Variants in PRKCZ observed in about 807,000 individuals in gnomAD.
PRKCZ encodes protein kinase C zeta type.
PRKCZ carries 33 observed loss-of-function variants against 79.5 expected under a neutral mutation model. The ratio of observed to expected loss-of-function variants is 0.41; its 90% confidence interval spans 0.31 to 0.55. PRKCZ has a LOEUF of 0.55. PRKCZ is among the 20% of genes least tolerant of loss of function. The pLI, the probability that PRKCZ is intolerant of heterozygous loss-of-function variation, is 0.19. For synonymous variants in PRKCZ, 342 were observed against 320.9 expected (o/e 1.07, Z -0.70); for missense variants, 578 against 813.5 (o/e 0.71, Z 3.52).
At chr1:2,096,259 G>C (rs1409895481) in intron 4 of PRKCZ, among the ~76,000 whole-genome samples, 1 of 152,002 alleles carries the variant, frequency 6.6e-6, no homozygotes, top group Non-Finnish European at 1.5e-5. Flanking sequence ...TGTGTGCCTG[G>C]GAGGCGCACG....
chr1:2,071,368 C>T lies in PRKCZ; in HGVS notation c.334+11777C>T, dbSNP rs113197144. 5.4e-3 allele frequency: 2,466 copies of T among 459,112 alleles called. 63 individuals carry two copies. The East Asian group carries it at 0.068, about 13-fold the overall frequency. The allele number at this position is 459,112 out of a possible 1,614,324, so 28.4% of individuals were successfully genotyped here. A position where few individuals can be genotyped will look rare whatever the true frequency, so the allele number is the denominator to read the frequency against. Reference sequence around the variant, plus strand: ...GGCCCCGGCGGCGTCTGAGAGGAGGCGGCCAAACCTAGTGGGGCTGCGCGA... The same window carrying T: ...GGCCCCGGCGGCGTCTGAGAGGAGGTGGCCAAACCTAGTGGGGCTGCGCGA... On this transcript the variant is annotated intron_variant, in intron 4 of 17. Transcript: ENST00000378567.
intron 3 of PRKCZ, 142 bp downstream of exon 3, chr1:2,056,715 G>T: frequency 3.0e-6 from 2 of 661,228 alleles, no homozygotes; most frequent in South Asian, 3.2e-5. Context: ...TGCCATTTGG[G>T]TTTTTTTCTT....
chr1:2,148,832 C>A, intron 7 of PRKCZ, 40 bp from the exon 8 acceptor site: 1 of 1,603,620 alleles, frequency 6.2e-7, no homozygotes, highest in African/African-American at 1.3e-5. Context: ...GCGTTCCTGA[C>A]CACACCGTAA....
At chr1:2,070,972 C>T (rs979179049) in intron 4 of PRKCZ, among the ~76,000 whole-genome samples, 1 of 150,642 alleles carries the variant, frequency 6.6e-6, no homozygotes, top group Non-Finnish European at 1.5e-5. Context: ...GGTCCTTGGC[C>T]GGGACACCAT....
chr1:2,155,858 A>G (rs1412744396), intron 9 of PRKCZ, 137 bp from the exon 10 acceptor site: 1 of 714,422 alleles, frequency 1.4e-6, no homozygotes, highest in Non-Finnish European at 2.5e-6. Context: ...GCAGTTCCTA[A>G]TGGGTGTTTT....
intron 11 of PRKCZ, among the ~76,000 whole-genome samples, chr1:2,170,455 C>A (rs552632396): frequency 2.0e-5 from 3 of 151,652 alleles, no homozygotes; most frequent in Non-Finnish European, 2.9e-5. Context: ...AAATCTAGAA[C>A]AGTACACTTC....
intron 1 of PRKCZ, among the ~76,000 whole-genome samples, chr1:2,052,181 C>T (rs549210315): frequency 6.4e-4 from 98 of 152,306 alleles, no homozygotes; most frequent in South Asian, 2.5e-3. Flanking sequence ...ACCCGAGGGG[C>T]TGCAGGGGCC....
chr1:2,054,310 G>GT (rs372533528), intron 1 of PRKCZ, among the ~76,000 whole-genome samples: 3 of 152,270 alleles, frequency 2.0e-5, no homozygotes, highest in African/African-American at 7.2e-5. Flanking sequence ...TGAAAATTCA[G>GT]TGTGTTCACA....
chr1:2,107,828 A>G (rs1232702714), intron 4 of PRKCZ, among the ~76,000 whole-genome samples: 1 of 146,880 alleles, frequency 6.8e-6, no homozygotes, highest in African/African-American at 2.6e-5. Flanking sequence ...ACACCCCAAC[A>G]GCGTCCAGGG....
intron 4 of PRKCZ, among the ~76,000 whole-genome samples, chr1:2,101,643 C>T (rs543048277): frequency 6.6e-6 from 1 of 152,312 alleles, no homozygotes; most frequent in South Asian, 2.1e-4. Context: ...CTTCAGTTCC[C>T]CTTCCTGGAG....
chr1:2,077,005 T>C (rs13302948), intron 4 of PRKCZ, among the ~76,000 whole-genome samples: 56,210 of 151,954 alleles, frequency 0.37, 11,535 homozygotes, highest in East Asian at 0.87. Context: ...TCCACCGTTG[T>C]GGGGCAGCCT....
intron 4 of PRKCZ, among the ~76,000 whole-genome samples, chr1:2,065,333 C>A (rs1661026219): frequency 6.6e-6 from 1 of 152,168 alleles, no homozygotes; most frequent in Non-Finnish European, 1.5e-5. Context: ...CCTTGTATTT[C>A]TTTTTCTTGC....
At chr1:2,090,626 G>A (rs7541860) in intron 4 of PRKCZ, among the ~76,000 whole-genome samples, 4,352 of 152,316 alleles carry the variant, frequency 0.029, 209 homozygotes, top group African/African-American at 0.099. Context: ...CCGTGCACAT[G>A]TAGGAATGAA....
In PRKCZ at chr1:2,133,498, C is replaced by G. The variant is rs138283941; in HGVS notation, c.335-1764C>G. The G allele has an allele frequency of 1.6e-3, 238 of 148,644 alleles. 1 individual carries two copies. Among genetic ancestry groups the G allele is most frequent in the South Asian group, 5.8e-3 (28 of 4,840 alleles). 9.2% of individuals were successfully genotyped at this position (148,644 alleles called of 1,614,324 possible). A position where few individuals can be genotyped will look rare whatever the true frequency, so the allele number is the denominator to read the frequency against. On this transcript the variant is annotated intron_variant, in intron 4 of 17. Coordinates refer to ENST00000378567, the MANE Select transcript of PRKCZ (RefSeq NM_002744.6). Reference sequence around the variant, plus strand: ...GCGCCCGCCCCTTGGTTCCACCCCCCTCCCCAGCTGTGCGCCCGCCCCTTG... The same window carrying G: ...GCGCCCGCCCCTTGGTTCCACCCCCGTCCCCAGCTGTGCGCCCGCCCCTTG...
At chr1:2,100,857 T>C (rs1425853162) in intron 4 of PRKCZ, among the ~76,000 whole-genome samples, 1 of 152,126 alleles carries the variant, frequency 6.6e-6, no homozygotes, top group Non-Finnish European at 1.5e-5. Flanking sequence ...ATTCTATCAT[T>C]GAGGCATAGT....
At chr1:2,132,821 G>T (rs1675264212) in intron 4 of PRKCZ, among the ~76,000 whole-genome samples, 1 of 152,224 alleles carries the variant, frequency 6.6e-6, no homozygotes, top group Non-Finnish European at 1.5e-5. Flanking sequence ...GTGTATGGTG[G>T]GAAGCGGGGT....
chr1:2,150,152 A>C (rs1571840371), intron 8 of PRKCZ, among the ~76,000 whole-genome samples: 1 of 130,940 alleles, frequency 7.6e-6, no homozygotes. Flanking sequence ...ACAGAGCCAG[A>C]CTCCGTCTCA....
rs1428651570 is a variant in PRKCZ at position 2,071,115 on chromosome 1, G to C, written c.334+11524G>C. 2.6e-5 allele frequency among the ~76,000 whole-genome samples: 4 copies of C among 151,478 alleles called. No individual in the cohort carries two copies. The East Asian group carries it at 9.0e-4, about 34-fold the overall frequency. On this transcript the variant is annotated intron_variant, in intron 4 of 17. Coordinates refer to ENST00000378567, the MANE Select transcript of PRKCZ (RefSeq NM_002744.6). ...CTCAGGGGGGCGCCTGCACTGCCAG[G>C]TTCAAACCCCACCGGCAGGGAGCCT...
intron 1 of PRKCZ, among the ~76,000 whole-genome samples, chr1:2,051,479 C>A (rs1346305906): frequency 6.6e-6 from 1 of 152,196 alleles, no homozygotes; most frequent in Non-Finnish European, 1.5e-5. Context: ...CACCTGTGCG[C>A]GTCTCCAGGA....
Sources: gnomAD v4.1 joint callset for allele counts (sites outside exome capture counted in the v4.1 genomes callset) on GRCh38, gnomAD v4.1.1 for gene constraint, MANE v1.5 for transcripts, NCBI Gene and HGNC (gene_info 2026-07-23, HGNC 2026-07-21) for gene names.